The following DGKD variants were observed in gnomAD, a reference collection of about 807,000 sequenced individuals.
DGKD encodes the protein diacylglycerol kinase delta.
DGKD carries 68 observed loss-of-function variants against 154.4 expected under a neutral mutation model. That is an observed-to-expected ratio of 0.44 (90% CI 0.36 to 0.54). DGKD has a LOEUF of 0.54. Among genes scored for constraint, DGKD ranks in the 20% least tolerant of loss-of-function variants. DGKD has a pLI of 0.00. For missense variants in DGKD, 1,343 were observed against 1,593.6 expected (o/e 0.84, Z 2.68); for synonymous variants, 693 against 638.0 (o/e 1.09, Z -1.30).
chr2:233,427,072 G>A (rs1287199370), intron 3 of DGKD, among the ~76,000 whole-genome samples: 3 of 152,152 alleles, frequency 2.0e-5, no homozygotes, highest in African/African-American at 7.2e-5. Context: ...ATTCACATCT[G>A]TCTATGGCTG....
At chr2:233,418,030 A>G (rs907288076) in intron 3 of DGKD, among the ~76,000 whole-genome samples, 7 of 152,232 alleles carry the variant, frequency 4.6e-5, no homozygotes, top group African/African-American at 1.7e-4. Flanking sequence ...TTCTGTGAAT[A>G]TTATTAAATA....
At chr2:233,420,164 A>T (rs1017053710) in intron 3 of DGKD, among the ~76,000 whole-genome samples, 15 of 152,172 alleles carry the variant, frequency 9.9e-5, no homozygotes, top group African/African-American at 3.6e-4. Flanking sequence ...AAAGGAGTGA[A>T]TTCCAGGCTC....
Position 233,445,616 on chromosome 2 carries a change from T to A in DGKD, c.1195-7T>A. On this transcript the variant is annotated splice_polypyrimidine_tract_variant and splice_region_variant and intron_variant, in intron 10 of 29. Transcript: ENST00000264057. This position sits in a 1 kb window ranked among gnomAD's most constrained non-coding sequence, Gnocchi z 5.5. ...TTGCCTGCGCATCGTCCCCCATGTT[T>A]CCTTAGTGTCAGCTGGGAGTGCTGC... The A allele has an allele frequency of 6.2e-7, 1 of 1,602,282 alleles. No individual in the cohort carries two copies. Among genetic ancestry groups the A allele is most frequent in the South Asian group, 1.1e-5 (1 of 89,220 alleles).
chr2:233,382,065 C>G (rs552249460), intron 1 of DGKD, among the ~76,000 whole-genome samples: 23 of 152,250 alleles, frequency 1.5e-4, no homozygotes, highest in Non-Finnish European at 2.9e-4. Flanking sequence ...GAAACCCTGT[C>G]TCTACTAAAA....
At chr2:233,367,977 CCACCTTGCCT>C (rs1702121887) in intron 1 of DGKD, among the ~76,000 whole-genome samples, 1 of 151,468 alleles carries the variant, frequency 6.6e-6, no homozygotes, top group Non-Finnish European at 1.5e-5. Context: ...CAGGCATGAG[CCACCTTGCCT>C]GACCAGATCT....
intron 3 of DGKD, among the ~76,000 whole-genome samples, chr2:233,421,281 G>A (rs1030666763): frequency 6.6e-6 from 1 of 152,086 alleles, no homozygotes; most frequent in Non-Finnish European, 1.5e-5. Flanking sequence ...CTGCTCGGAG[G>A]TCACTGTGGA....
chr2:233,369,982 T>A (rs1430988553), intron 1 of DGKD, among the ~76,000 whole-genome samples: 1 of 152,188 alleles, frequency 6.6e-6, no homozygotes, highest in Non-Finnish European at 1.5e-5. Context: ...GACACTCTTT[T>A]TCTTTTAAAC....
rs1417597206 is a variant in DGKD at position 233,450,053 on chromosome 2, A to T, written c.1960A>T (p.Lys654Ter). 1 of 1,613,966 alleles carries T rather than the reference A, an allele frequency of 6.2e-7. No homozygotes were observed. The highest frequency in any genetic ancestry group is 8.5e-7 in the Non-Finnish European group (1 of 1,179,948). ...CCTGGGCCTCTCTGAGTCAGAGGAG[A>T]AGATGGACCACAGAGTGTGCCCACC... is the stretch of plus-strand genomic sequence containing the variant. The part of the protein sequence containing the change: ...FVLGLSESEE[K>*]MDHRVCPPLS... The change falls in exon 16 of 30, where the codon AAG (lysine) becomes TAG (stop). Residue 654 changes from lysine (K) to a stop codon, truncating the protein, a stop_gained. Transcript: ENST00000264057. LOFTEE classifies it high-confidence loss of function.
intron 1 of DGKD, among the ~76,000 whole-genome samples, chr2:233,385,274 G>C (rs1407618837): frequency 1.3e-5 from 2 of 152,222 alleles, no homozygotes; most frequent in African/African-American, 4.8e-5. Context: ...GCATATGTCT[G>C]TCGGGTCAGT....
chr2:233,424,404 T>A (rs528114723), intron 3 of DGKD, among the ~76,000 whole-genome samples: 1 of 152,194 alleles, frequency 6.6e-6, no homozygotes, highest in African/African-American at 2.4e-5. Flanking sequence ...CCACCTTCTA[T>A]TTTGAACTCT....
In DGKD at chr2:233,441,917, C is replaced by A. The variant is rs1379562300; in HGVS notation, c.1116C>A (p.Phe372Leu). ...GLRLFQKFDT[F>L]RILVCGGDGS... ...GGTTATTCCAGAAGTTTGACACATT[C>A]CGGATTCTGGTTTGTGGCGGGGATG... is the stretch of plus-strand genomic sequence containing the variant. The change falls in exon 10 of 30, where the codon TTC becomes TTA. Residue 372 changes from phenylalanine to leucine, a missense_variant. Phe to Leu is a conservative substitution (Grantham distance 22). This residue lies in a region of DGKD where 56 missense variants were observed against 111.1 expected (regional missense o/e 0.50). Transcript: ENST00000264057. The surrounding 1 kb of genome is among the most constrained non-coding windows in gnomAD (Gnocchi z 5.6). 1 of 1,614,050 alleles carries A rather than the reference C, an allele frequency of 6.2e-7. No individual in the cohort carries two copies. The highest frequency in any genetic ancestry group is 8.5e-7 in the Non-Finnish European group (1 of 1,180,012).
chr2:233,408,444 A>G (rs1166895380), intron 3 of DGKD, among the ~76,000 whole-genome samples: 1 of 152,236 alleles, frequency 6.6e-6, no homozygotes, highest in Non-Finnish European at 1.5e-5. Flanking sequence ...GGGTCCCAAA[A>G]GTCCTCTTGA....
At chr2:233,388,396 G>GGGCA (rs1559492377) in intron 2 of DGKD, 29 bp downstream of exon 2, 1 of 1,598,338 alleles carries the variant, frequency 6.3e-7, no homozygotes, top group Admixed American at 1.8e-5. Flanking sequence ...AAGCACACGC[G>GGGCA]AGGACATCAC....
chr2:233,468,983 T>G (rs931951783), intron 29 of DGKD, among the ~76,000 whole-genome samples: 1 of 152,202 alleles, frequency 6.6e-6, no homozygotes, highest in Non-Finnish European at 1.5e-5. Context: ...TGCAGGCCCA[T>G]GCCCCTGCCC....
intron 1 of DGKD, among the ~76,000 whole-genome samples, chr2:233,384,477 C>T (rs1199594217): frequency 6.6e-6 from 1 of 152,116 alleles, no homozygotes; most frequent in African/African-American, 2.4e-5. Context: ...CATCACAGAC[C>T]TGCAGAGCTG....
intron 1 of DGKD, among the ~76,000 whole-genome samples, chr2:233,360,897 G>T (rs1380191409): frequency 6.6e-6 from 1 of 152,066 alleles, no homozygotes; most frequent in Non-Finnish European, 1.5e-5. Context: ...ATAACAGATG[G>T]AATCTCCCCT....
intron 3 of DGKD, among the ~76,000 whole-genome samples, chr2:233,409,787 GTTTTTTTTTT>G (rs3075533): frequency 4.9e-5 from 3 of 60,892 alleles, no homozygotes; most frequent in African/African-American, 7.4e-5. Flanking sequence ...CCCCCATACC[GTTTTTTTTTT>G]TTTTTTTTTT....
chr2:233,388,484 C>A (rs1041606767), intron 2 of DGKD, 117 bp downstream of exon 2: 2 of 981,662 alleles, frequency 2.0e-6, no homozygotes, highest in Non-Finnish European at 3.0e-6. Context: ...TCTGTTATTG[C>A]CAGTGAGTTT....
rs1357349048 is a variant in DGKD at position 233,388,289 on chromosome 2, G to C, written c.189G>C (p.Gln63His). ...TCAAAGAGGGGATGCTGACCAAACAGAACAATTCATTCCAGCGATCAAAAA... is the reference window on the plus strand; with the variant it reads ...TCAAAGAGGGGATGCTGACCAAACACAACAATTCATTCCAGCGATCAAAAA... ...TIIKEGMLTK[Q>H]NNSFQRSKRR... Residue 63 changes from glutamine to histidine, a missense_variant, in exon 2 of 30, where the codon CAG becomes CAC. Physicochemically the swap from Gln to His is conservative, Grantham distance 24 (BLOSUM62 0). Coordinates refer to ENST00000264057, the MANE Select transcript of DGKD (RefSeq NM_152879.3). 2 of 1,614,060 alleles carry C rather than the reference G, an allele frequency of 1.2e-6. No homozygotes were observed. The highest frequency in any genetic ancestry group is 1.7e-5 in the Admixed American group (1 of 59,988).
Sources: allele counts gnomAD v4.1 joint callset (sites outside exome capture counted in the v4.1 genomes callset), GRCh38; gene constraint gnomAD v4.1.1; regional missense constraint gnomAD v4.1.1; non-coding constraint Gnocchi (gnomAD v3.1); transcripts MANE v1.5; gene names NCBI Gene and HGNC (gene_info 2026-07-23, HGNC 2026-07-21).